SPON1: variants seen among roughly 807,000 people sequenced by gnomAD.
The protein encoded by SPON1 is spondin 1.
In SPON1, 52 loss-of-function variants were observed where a neutral mutation model predicts 111.7. The observed-to-expected ratio is 0.47, with a 90% CI of 0.37 to 0.59. The LOEUF is 0.59. Among genes scored for constraint, SPON1 ranks in the 20% least tolerant of loss-of-function variants. SPON1 has a pLI of 0.00. For synonymous variants in SPON1, 410 were observed against 395.8 expected, an observed-to-expected ratio of 1.04 and a Z score of -0.43; for missense variants, 957 against 1,068.5, an observed-to-expected ratio of 0.90 and a Z score of 1.46.
chr11:14,170,506 G>C (rs1848085171), intron 6 of SPON1, among the ~76,000 whole-genome samples: 2 of 151,974 alleles, frequency 1.3e-5, no homozygotes, highest in Admixed American at 6.6e-5. Flanking sequence ...CTGCCTGATT[G>C]CCCTGGCCAG....
At chr11:14,047,174 A>G (rs1201430269) in intron 3 of SPON1, among the ~76,000 whole-genome samples, 1 of 151,842 alleles carries the variant, frequency 6.6e-6, no homozygotes, top group Non-Finnish European at 1.5e-5. Flanking sequence ...TTTCTTTTTT[A>G]TGTTTTACTT....
chr11:14,080,444 G>A (rs1454490827), intron 5 of SPON1, among the ~76,000 whole-genome samples: 1 of 152,056 alleles, frequency 6.6e-6, no homozygotes, highest in Admixed American at 6.5e-5. Context: ...GCCTGGGCTG[G>A]TCTTGAACAC....
rs528102780 is a variant in SPON1, at chr11:14,224,812, G to A, written c.826-18520G>A. 1.8e-4 allele frequency: 74 copies of A among 414,578 alleles called. No homozygotes were observed. The Middle Eastern group carries it at 3.0e-3, about 17-fold the overall frequency. 25.7% of individuals were successfully genotyped at this position (414,578 alleles called of 1,614,324 possible). A position where few individuals can be genotyped will look rare whatever the true frequency, so the allele number is the denominator to read the frequency against. On this transcript the variant is annotated intron_variant, in intron 6 of 15. Transcript: ENST00000576479. ...AGGGTGAGCCCTTGGGCTCCATGCT[G>A]AACAAAATTGGGCTTTACCCCTAAA... is the stretch of plus-strand genomic sequence containing the variant.
chr11:14,178,487 A>T lies in SPON1; in HGVS notation c.825+42919A>T, dbSNP rs149998633. Among the ~76,000 whole-genome samples the T allele has an allele frequency of 5.9e-5, 9 of 152,024 alleles. 1 individual carries two copies. In the East Asian group the frequency reaches 1.7e-3, roughly 29 times the overall value. ...CTGCACAAACTTGGTCTCAGTTTTC[A>T]ACCAATCCCTACCCTCACTCGCGAG... On this transcript the variant is annotated intron_variant, in intron 6 of 15. Transcript: ENST00000576479.
chr11:14,060,946 T>TAA (rs5789819), intron 3 of SPON1, among the ~76,000 whole-genome samples: 51,177 of 150,584 alleles, frequency 0.34, 9,498 homozygotes, highest in South Asian at 0.58. Flanking sequence ...TCTAGTTTGG[T>TAA]AAAAAAAAAG....
intron 3 of SPON1, among the ~76,000 whole-genome samples, chr11:14,069,149 C>T (rs959337270): frequency 2.6e-5 from 4 of 152,058 alleles, no homozygotes; most frequent in African/African-American, 9.7e-5. Flanking sequence ...CTATGTCTCC[C>T]TCTAGTCATT....
chr11:14,119,999 A>G (rs1849293510), intron 5 of SPON1, among the ~76,000 whole-genome samples: 1 of 152,210 alleles, frequency 6.6e-6, no homozygotes, highest in Non-Finnish European at 1.5e-5. Context: ...CATATTGGAC[A>G]GTGAAGTATA....
At chr11:14,193,075 G>A (rs1414571820) in intron 6 of SPON1, among the ~76,000 whole-genome samples, 1 of 152,202 alleles carries the variant, frequency 6.6e-6, no homozygotes, top group Non-Finnish European at 1.5e-5. Context: ...CACCAGCAGA[G>A]CAAGTCTCTG....
intron 6 of SPON1, among the ~76,000 whole-genome samples, chr11:14,156,203 G>A (rs1364675273): frequency 2.8e-5 from 4 of 143,776 alleles, no homozygotes; most frequent in Admixed American, 1.4e-4. Flanking sequence ...GTGTGAGATA[G>A]TATCTCATTG....
chr11:14,148,374 GAA>G (rs1363393847), intron 6 of SPON1, among the ~76,000 whole-genome samples: 10 of 152,118 alleles, frequency 6.6e-5, no homozygotes, highest in African/African-American at 2.4e-4. Context: ...TGCGGAAAAC[GAA>G]GAGAGGGACC....
intron 6 of SPON1, among the ~76,000 whole-genome samples, chr11:14,169,932 TGC>T (rs1848077366): frequency 6.6e-6 from 1 of 152,254 alleles, no homozygotes; most frequent in African/African-American, 2.4e-5. Context: ...GGTAGTGTGA[TGC>T]CTCCAGCTTT....
chr11:14,122,225 A>G (rs1365765836), intron 5 of SPON1, among the ~76,000 whole-genome samples: 1 of 152,118 alleles, frequency 6.6e-6, no homozygotes, highest in Non-Finnish European at 1.5e-5. Flanking sequence ...CCCAGGCTGG[A>G]GTGCAGTGCA....
At chr11:14,152,435 G>A (rs1248260552) in intron 6 of SPON1, among the ~76,000 whole-genome samples, 2 of 152,154 alleles carry the variant, frequency 1.3e-5, no homozygotes, top group Non-Finnish European at 2.9e-5. Context: ...TCTTCTAAAG[G>A]GCATTGATCC....
chr11:14,254,491 GA>G, intron 7 of SPON1, 36 bp from the exon 8 acceptor site: 1 of 1,539,778 alleles, frequency 6.5e-7, no homozygotes, highest in African/African-American at 1.4e-5. Flanking sequence ...CCAACCCCCA[GA>G]ACTCTAATAT....
At position 14,147,793 on chromosome 11, in the gene SPON1, AT is replaced by A. The variant is rs34000117; in HGVS notation, c.825+12234del. ...AGGAGTCTCGCTAAACAAAGGGCTA[AT>A]TTTTTTTTGATATATAAAGAGCTTC... On this transcript the variant is annotated intron_variant, in intron 6 of 15. Transcript: ENST00000576479. 4.7e-5 allele frequency among the ~76,000 whole-genome samples: 7 copies of A among 149,458 alleles called. No homozygotes were observed. The South Asian group carries it at 1.5e-3, about 32-fold the overall frequency.
Position 14,156,320 on chromosome 11 carries a change from C to T in SPON1, c.825+20752C>T, listed in dbSNP as rs369639171. Among the ~76,000 whole-genome samples, 81 of 138,654 alleles carry T rather than the reference C, an allele frequency of 5.8e-4. 2 individuals are homozygous for T. In the East Asian group the frequency reaches 9.7e-3, roughly 17 times the overall value. 91.0% of individuals were successfully genotyped at this position (138,654 alleles called of 152,430 possible). On this transcript the variant is annotated intron_variant, in intron 6 of 15. Coordinates refer to ENST00000576479, the MANE Select transcript of SPON1 (RefSeq NM_006108.4). ...TTGAGAAGTGTCTGTTCATGTCCTT[C>T]GCCCACTTGTTGATGGGGTTGTTTG...
intron 6 of SPON1, among the ~76,000 whole-genome samples, chr11:14,173,777 G>A (rs782405311): frequency 3.3e-4 from 50 of 152,310 alleles, no homozygotes; most frequent in Non-Finnish European, 6.8e-4. Flanking sequence ...GTTTACCTGG[G>A]TGTCAGCAGT....
chr11:14,072,545 C>G (rs562827283), intron 3 of SPON1, among the ~76,000 whole-genome samples: 3 of 151,952 alleles, frequency 2.0e-5, no homozygotes, highest in African/African-American at 7.3e-5. Context: ...GAGGCCTGGT[C>G]GAGTTGAAGA....
intron 6 of SPON1, among the ~76,000 whole-genome samples, chr11:14,161,021 A>ATATATC (rs1564919904): frequency 8.2e-5 from 3 of 36,500 alleles, no homozygotes; most frequent in South Asian, 9.1e-4. Context: ...TTATATATCT[A>ATATATC]TATATATTTA....
Sources: allele counts gnomAD v4.1 joint callset (sites outside exome capture counted in the v4.1 genomes callset), GRCh38; gene constraint gnomAD v4.1.1; transcripts MANE v1.5; gene names NCBI Gene and HGNC (gene_info 2026-07-23, HGNC 2026-07-21).